Variants in PCNT observed in about 807,000 individuals in gnomAD.
The protein encoded by PCNT is kendrin.
PCNT carries 319 observed loss-of-function variants against 380.4 expected under a neutral mutation model. That is an observed-to-expected ratio of 0.84 (90% CI 0.77 to 0.92). PCNT has a LOEUF of 0.92. Among genes scored for constraint, PCNT ranks in the 40% least tolerant of loss-of-function variants. PCNT has a pLI of 0.00. For synonymous variants in PCNT, 1,845 were observed against 1,735.2 expected (o/e 1.06, Z -1.57); for missense variants, 4,400 against 4,255.3 (o/e 1.03, Z -0.95).
intron 44 of PCNT, chr21:46,443,219 T>C (rs950753734): frequency 2.2e-4 from 35 of 162,496 alleles, no homozygotes; most frequent in South Asian, 8.3e-4. Flanking sequence ...GTTGTTGTTG[T>C]TGTTTTGTTG....
chr21:46,342,317 G>A (rs956443536), intron 3 of PCNT, among the ~76,000 whole-genome samples: 1 of 152,094 alleles, frequency 6.6e-6, no homozygotes, highest in Admixed American at 6.5e-5. Context: ...ATGTCGCCCA[G>A]GCTGGTCTTG....
At chr21:46,339,208 G>T (rs151198913) in intron 3 of PCNT, among the ~76,000 whole-genome samples, 1 of 152,288 alleles carries the variant, frequency 6.6e-6, no homozygotes, top group East Asian at 1.9e-4. Flanking sequence ...GAACAACTGT[G>T]CCTGGCCTGT....
At chr21:46,400,702 T>C (rs2086394672) in intron 25 of PCNT, among the ~76,000 whole-genome samples, 1 of 152,034 alleles carries the variant, frequency 6.6e-6, no homozygotes, top group Non-Finnish European at 1.5e-5. Context: ...GTATTTTTAA[T>C]AGAGATGGGG....
chr21:46,430,054 G>C lies in PCNT; in HGVS notation c.7735G>C (p.Gly2579Arg). The stretch of plus-strand genomic sequence containing the variant: ...AGTAGAGCAGGAGAAGTGCATTGCT[G>C]GTGACTTGCAGAAGACGCTGAGTGA... ...YKVEQEKCIA[G>R]DLQKTLSEEQ... The change falls in exon 36 of 47, where the codon GGT (glycine) becomes CGT (arginine). Residue 2579 changes from glycine to arginine, a missense_variant. Physicochemically the swap from Gly to Arg is moderately radical, Grantham distance 125 (BLOSUM62 -2). Coordinates refer to ENST00000359568, the MANE Select transcript of PCNT (RefSeq NM_006031.6). 1 of 1,614,220 alleles carries C rather than the reference G, an allele frequency of 6.2e-7. No homozygotes were observed. Among genetic ancestry groups the C allele is most frequent in the Non-Finnish European group, 8.5e-7 (1 of 1,180,024 alleles).
In PCNT at chr21:46,373,167, T is replaced by G. The variant is rs530969144; in HGVS notation, c.3165+6028T>G. Among the ~76,000 whole-genome samples, 38 of 152,186 alleles carry G rather than the reference T, an allele frequency of 2.5e-4. 1 individual carries two copies. In the East Asian group the frequency reaches 6.8e-3, roughly 27 times the overall value. On this transcript the variant is annotated intron_variant, in intron 15 of 46. Coordinates refer to ENST00000359568, the MANE Select transcript of PCNT (RefSeq NM_006031.6). ...TCTTGAGTAGCTGGGACTACAGATG[T>G]GCACCACCATGCCTGGCTAATTTAT...
intron 15 of PCNT, among the ~76,000 whole-genome samples, chr21:46,370,581 T>C (rs1483335780): frequency 7.2e-5 from 11 of 151,934 alleles, no homozygotes; most frequent in Non-Finnish European, 1.5e-4. Context: ...GTGGCTTGTG[T>C]AGACACAGAA....
At chr21:46,346,613 G>A in intron 4 of PCNT, 130 bp from the exon 5 acceptor site, 1 of 1,203,042 alleles carries the variant, frequency 8.3e-7, no homozygotes, top group South Asian at 1.3e-5. Flanking sequence ...TCCTGCCCCT[G>A]CTTCCACGGG....
At chr21:46,398,212 T>C in intron 23 of PCNT, 23 bp from the exon 24 acceptor site, 1 of 1,608,422 alleles carries the variant, frequency 6.2e-7, no homozygotes, top group Non-Finnish European at 8.5e-7. Flanking sequence ...AATTTTTGCC[T>C]TCCATGTACA....
At chr21:46,419,563 G>A (rs911858504) in intron 31 of PCNT, among the ~76,000 whole-genome samples, 6 of 152,194 alleles carry the variant, frequency 3.9e-5, no homozygotes, top group African/African-American at 7.2e-5. Flanking sequence ...CAGCAGAGCC[G>A]CTGGGAGCGT....
intron 2 of PCNT, among the ~76,000 whole-genome samples, chr21:46,327,463 T>G (rs1327452441): frequency 6.6e-6 from 1 of 152,112 alleles, no homozygotes; most frequent in African/African-American, 2.4e-5. Flanking sequence ...TGCAGTGGTG[T>G]GATCACAGGT....
chr21:46,386,644 T>C (rs1444262409), intron 17 of PCNT, among the ~76,000 whole-genome samples: 1 of 152,252 alleles, frequency 6.6e-6, no homozygotes, highest in African/African-American at 2.4e-5. Flanking sequence ...GCAGTGATGC[T>C]GTCCAGCAGG....
intron 13 of PCNT, among the ~76,000 whole-genome samples, chr21:46,362,903 A>G (rs559225376): frequency 2.6e-5 from 4 of 151,838 alleles, no homozygotes; most frequent in South Asian, 2.1e-4. Context: ...TGCCCTCTGC[A>G]TTCTCCTTCA....
chr21:46,428,492 C>G lies in PCNT; in HGVS notation c.7592C>G (p.Thr2531Arg). ...IQALRAQLRM[T>R]HLQNQEKLQH... ...GCGCTGCGTGCCCAGCTGCGCATGA[C>G]GCACCTGCAGAACCAGGAGAAGCTG... The change falls in exon 35 of 47, where the codon ACG becomes AGG. Residue 2531 changes from threonine to arginine, a missense_variant. Coordinates refer to ENST00000359568, the MANE Select transcript of PCNT (RefSeq NM_006031.6). The G allele has an allele frequency of 6.2e-7, 1 of 1,612,188 alleles. No individual in the cohort carries two copies.
rs1204095528 is a variant in PCNT at position 46,438,328 on chromosome 21, C to T, written c.9264C>T (p.Cys3088=). 6.2e-7 allele frequency: 1 copy of T among 1,613,878 alleles called. No homozygotes were observed. The highest frequency in any genetic ancestry group is 1.3e-5 in the African/African-American group (1 of 74,942). Residue 3088 remains cysteine (C), a synonymous_variant, in exon 41 of 47, where the codon TGC becomes TGT. Coordinates refer to ENST00000359568, the MANE Select transcript of PCNT (RefSeq NM_006031.6). ...KLLKHHLQKG[C]SPSRSERSAW... Reference sequence around the variant, plus strand: ...TGAAGCACCATCTGCAGAAGGGCTGCAGCCCAAGCGTAGGTGTCTGTGCTT... The same window carrying T: ...TGAAGCACCATCTGCAGAAGGGCTGTAGCCCAAGCGTAGGTGTCTGTGCTT...
intron 2 of PCNT, among the ~76,000 whole-genome samples, chr21:46,331,765 C>CA (rs773653884): frequency 0.01 from 1,377 of 134,830 alleles, 12 homozygotes; most frequent in African/African-American, 0.03. Context: ...GGCCTTGTCT[C>CA]AAAAAAAAAA....
At chr21:46,355,879 A>G (rs1387481967) in intron 12 of PCNT, among the ~76,000 whole-genome samples, 1 of 152,098 alleles carries the variant, frequency 6.6e-6, no homozygotes, top group Non-Finnish European at 1.5e-5. Context: ...CTGGGCAGCC[A>G]CCCTGGGGGT....
chr21:46,397,978 G>C (rs1046355282), intron 22 of PCNT, 36 bp from the exon 23 acceptor site: 1 of 1,523,846 alleles, frequency 6.6e-7, no homozygotes, highest in Non-Finnish European at 8.9e-7. Flanking sequence ...CGCCAGCCCC[G>C]TTGGGGTGGT....
intron 31 of PCNT, chr21:46,420,585 T>TA (rs1277821794): frequency 1.4e-4 from 22 of 152,512 alleles, no homozygotes; most frequent in Admixed American, 7.8e-4. Context: ...AAGCATGGTT[T>TA]GTGCTGAAGG....
intron 6 of PCNT, chr21:46,348,092 T>G (rs2084134970): frequency 5.4e-6 from 1 of 184,512 alleles, no homozygotes; most frequent in East Asian, 1.5e-4. Context: ...AGGCTTGGGG[T>G]TGTGTTCCGG....
Sources: gnomAD v4.1 joint callset for allele counts (sites outside exome capture counted in the v4.1 genomes callset) on GRCh38, gnomAD v4.1.1 for gene constraint, MANE v1.5 for transcripts, NCBI Gene and HGNC (gene_info 2026-07-23, HGNC 2026-07-21) for gene names.